The following DHX15 variants were observed in gnomAD, a reference collection of about 807,000 sequenced individuals.
DHX15 encodes the protein ATP-dependent RNA helicase DHX15.
In DHX15, 11 loss-of-function variants were observed where a neutral mutation model predicts 94.4. The observed-to-expected ratio is 0.12, with a 90% CI of 0.07 to 0.19. The LOEUF (loss-of-function observed/expected upper bound fraction) is 0.19, where lower values mean the gene tolerates loss of function less well. DHX15 is among the 10% of genes least tolerant of loss of function. The pLI, the probability that DHX15 is intolerant of heterozygous loss-of-function variation, is 1.00. For missense variants in DHX15, 304 were observed against 988.5 expected (o/e 0.31, Z 9.29); for synonymous variants, 338 against 329.9 (o/e 1.02, Z -0.27).
intron 10 of DHX15, among the ~76,000 whole-genome samples, chr4:24,539,511 T>C (rs1326625140): frequency 1.3e-5 from 2 of 152,184 alleles, no homozygotes; most frequent in African/African-American, 2.4e-5. Context: ...TTTTACAAAA[T>C]TAGCGATTTT....
At chr4:24,532,187 G>C (rs1262177238) in intron 12 of DHX15, among the ~76,000 whole-genome samples, 2 of 152,130 alleles carry the variant, frequency 1.3e-5, no homozygotes, top group African/African-American at 4.8e-5. Context: ...TACTTGACAA[G>C]TTTTACTTCT....
intron 8 of DHX15, 138 bp downstream of exon 8, chr4:24,541,735 A>G: frequency 1.2e-6 from 1 of 849,374 alleles, no homozygotes; most frequent in South Asian, 2.0e-5. Context: ...TAATTACACC[A>G]TACATTTCAC....
chr4:24,574,227 A>AAAAAAAAAAAAAAAAC (rs1722191797), intron 2 of DHX15, among the ~76,000 whole-genome samples: 2 of 144,954 alleles, frequency 1.4e-5, no homozygotes, highest in Non-Finnish European at 3.0e-5. Context: ...AAAAAAAAAA[A>AAAAAAAAAAAAAAAAC]AGTTAAAGTC....
intron 6 of DHX15, among the ~76,000 whole-genome samples, chr4:24,548,190 T>C (rs1048167921): frequency 7.5e-5 from 11 of 146,304 alleles, no homozygotes; most frequent in Non-Finnish European, 1.0e-4. Context: ...TCGCCCAGGC[T>C]GGAGTGCAGT....
rs1477244480 is a variant in DHX15, at chr4:24,541,730, A to G, written c.1485+143T>C. 6.3e-6 allele frequency: 5 copies of G among 798,948 alleles called. No individual in the cohort carries two copies. In the East Asian group the frequency reaches 1.4e-4, roughly 22 times the overall value. The allele number at this position is 798,948 out of a possible 1,614,324, so 49.5% of individuals were successfully genotyped here. A position where few individuals can be genotyped will look rare whatever the true frequency, so the allele number is the denominator to read the frequency against. On this transcript the variant is annotated intron_variant, in intron 8 of 13. Transcript: ENST00000336812. ...GGGTGTACGACTATCTAAGTTAATTACACCATACATTTCACTCCTGGAAAA... is the reference window on the plus strand; with the variant it reads ...GGGTGTACGACTATCTAAGTTAATTGCACCATACATTTCACTCCTGGAAAA...
At position 24,543,003 on chromosome 4, in the gene DHX15, T is replaced by C. The variant is rs187424781; in HGVS notation, c.1272A>G (p.Ala424=). 3.5e-5 allele frequency: 56 copies of C among 1,612,260 alleles called. No homozygotes were observed. The highest frequency in any genetic ancestry group is 5.0e-5 in the Admixed American group (3 of 59,950). Residue 424 remains alanine (A), a synonymous_variant, in exon 7 of 14, where the codon GCA becomes GCG. Coordinates refer to ENST00000336812, the MANE Select transcript of DHX15 (RefSeq NM_001358.3). ...GRKVVVSTNI[A]ETSLTIDGVV... is the part of the protein sequence containing the mutation. ...CACCATCTATTGTCAAAGACGTCTC[T>C]GCTATGTTAGTTGACACAACTACCT...
Position 24,584,353 on chromosome 4 carries a change from G to T in DHX15, c.41C>A (p.Pro14His). The T allele has an allele frequency of 6.2e-7, 1 of 1,613,174 alleles. No individual in the cohort carries two copies. The highest frequency in any genetic ancestry group is 8.5e-7 in the Non-Finnish European group (1 of 1,179,650). Residue 14 changes from proline to histidine, a missense_variant, in exon 1 of 14, where the codon CCC becomes CAC. Coordinates refer to ENST00000336812, the MANE Select transcript of DHX15 (RefSeq NM_001358.3). ...RHRLDLGEDY[P>H]SGKKRAGTDG... ...GGTCCCCGCACGCTTCTTGCCAGAG[G>T]GGTAATCCTCCCCTAGGTCCAACCG... is the stretch of plus-strand genomic sequence containing the variant.
intron 1 of DHX15, among the ~76,000 whole-genome samples, chr4:24,577,681 A>C (rs1418981251): frequency 1.3e-5 from 2 of 152,154 alleles, no homozygotes; most frequent in Non-Finnish European, 2.9e-5. Context: ...GACCTTAATA[A>C]GTCATTTTAA....
chr4:24,556,468 T>G, intron 3 of DHX15, 58 bp from the exon 4 acceptor site: 1 of 1,414,034 alleles, frequency 7.1e-7, no homozygotes, highest in Non-Finnish European at 9.6e-7. Context: ...AAAACCAAAC[T>G]TCGTGACAAA....
At chr4:24,538,472 T>TA (rs1721237535) in intron 10 of DHX15, 1 of 152,136 alleles carries the variant, frequency 6.6e-6, no homozygotes, top group Non-Finnish European at 1.5e-5. Context: ...TAGAGTTAAG[T>TA]GGGAATAAAT....
chr4:24,561,478 C>T (rs1046863481), intron 3 of DHX15, among the ~76,000 whole-genome samples: 1 of 152,134 alleles, frequency 6.6e-6, no homozygotes, highest in African/African-American at 2.4e-5. Flanking sequence ...ATAAACCCTT[C>T]TACCATAATG....
At chr4:24,558,810 G>A (rs533220131) in intron 3 of DHX15, among the ~76,000 whole-genome samples, 5 of 151,986 alleles carry the variant, frequency 3.3e-5, no homozygotes, top group South Asian at 2.1e-4. Flanking sequence ...TGAAGAAAAC[G>A]AAAAAAACCG....
intron 3 of DHX15, among the ~76,000 whole-genome samples, chr4:24,565,761 C>A (rs576477588): frequency 4.5e-4 from 69 of 152,274 alleles, no homozygotes; most frequent in African/African-American, 1.4e-3. Flanking sequence ...CCATCATCAC[C>A]AACAGCAGCA....
At chr4:24,573,891 G>A (rs1261076259) in intron 2 of DHX15, among the ~76,000 whole-genome samples, 1 of 151,904 alleles carries the variant, frequency 6.6e-6, no homozygotes, top group Non-Finnish European at 1.5e-5. Flanking sequence ...CTTTATTGTA[G>A]GTCTGTCAAA....
Position 24,547,889 on chromosome 4 carries a change from C to A in DHX15, c.1248+966G>T, listed in dbSNP as rs372447660. Among the ~76,000 whole-genome samples, 53 of 10,374 alleles carry A rather than the reference C, an allele frequency of 5.1e-3. 1 individual carries two copies. The highest frequency in any genetic ancestry group is 7.0e-3 in the Non-Finnish European group (21 of 2,996). 6.8% of individuals were successfully genotyped at this position (10,374 alleles called of 152,430 possible). A position where few individuals can be genotyped will look rare whatever the true frequency, so the allele number is the denominator to read the frequency against. ...TCTCTCTCTCTCTCTCTCTCTCTCT[C>A]TATGTATGTATGTGTATATATATAT... is the stretch of plus-strand genomic sequence containing the variant. On this transcript the variant is annotated intron_variant, in intron 6 of 13. Coordinates refer to ENST00000336812, the MANE Select transcript of DHX15 (RefSeq NM_001358.3).
Position 24,576,279 on chromosome 4 carries a change from T to C in DHX15, c.471A>G (p.Val157=), listed in dbSNP as rs367857562. The change falls in exon 2 of 14, where the codon GTA becomes GTG. Residue 157 remains valine (V), a synonymous_variant. Transcript: ENST00000336812. The part of the protein sequence containing the change: ...TDILVRHQSF[V]LVGETGSGKT... ...TACCAGACCCAGTCTCACCAACCAG[T>C]ACAAAGGACTGATGTCTAACCAGAA... 2.4e-5 allele frequency: 38 copies of C among 1,614,082 alleles called. No homozygotes were observed. The highest frequency in any genetic ancestry group is 3.1e-5 in the Non-Finnish European group (36 of 1,180,034).
At position 24,562,123 on chromosome 4, in the gene DHX15, C is replaced by A. The variant is rs1362227028; in HGVS notation, c.702-5713G>T. Among the ~76,000 whole-genome samples, 11 of 100,718 alleles carry A rather than the reference C, an allele frequency of 1.1e-4. No homozygotes were observed. In the Admixed American group the frequency reaches 1.4e-3, roughly 13 times the overall value. The allele number at this position is 100,718 out of a possible 152,430, so 66.1% of individuals were successfully genotyped here. On this transcript the variant is annotated intron_variant, in intron 3 of 13. Coordinates refer to ENST00000336812, the MANE Select transcript of DHX15 (RefSeq NM_001358.3). ...TGCACTCCAGCCTGGAAGAGTGAGA[C>A]ACTGTCTCAAAAAAAAAAAAAAAAA...
chr4:24,556,170 G>C, intron 4 of DHX15, 81 bp downstream of exon 4: 4 of 1,127,940 alleles, frequency 3.5e-6, no homozygotes, highest in Non-Finnish European at 4.9e-6. Context: ...CTTACAGTTG[G>C]TTATTGATCA....
intron 4 of DHX15, among the ~76,000 whole-genome samples, chr4:24,555,911 G>T (rs1721729415): frequency 6.6e-6 from 1 of 151,970 alleles, no homozygotes; most frequent in South Asian, 2.1e-4. Context: ...CAAGGACATG[G>T]ATCTGAGGGA....
Sources: allele counts gnomAD v4.1 joint callset (sites outside exome capture counted in the v4.1 genomes callset), GRCh38; gene constraint gnomAD v4.1.1; transcripts MANE v1.5; gene names NCBI Gene and HGNC (gene_info 2026-07-23, HGNC 2026-07-21).